The following NME7 variants were observed in gnomAD, a reference collection of about 807,000 sequenced individuals.
NME7 encodes the protein nucleoside diphosphate kinase 7.
A neutral mutation model predicts 49.1 loss-of-function variants in NME7; 41 were observed. That is an observed-to-expected ratio of 0.83 (90% CI 0.65 to 1.08). The LOEUF (loss-of-function observed/expected upper bound fraction) is 1.08, where lower values mean the gene tolerates loss of function less well. Among genes scored for constraint, NME7 ranks in the 50% least tolerant of loss-of-function variants. The pLI is 0.00. For missense variants in NME7, 423 were observed against 463.4 expected (o/e 0.91, Z 0.80); for synonymous variants, 139 against 150.6 (o/e 0.92, Z 0.56).
intron 10 of NME7, among the ~76,000 whole-genome samples, chr1:169,179,737 A>G (rs182542090): frequency 5.3e-5 from 8 of 152,316 alleles, no homozygotes; most frequent in African/African-American, 1.9e-4. Flanking sequence ...GTTCTCATTT[A>G]TAAGTGAGAG....
intron 3 of NME7, among the ~76,000 whole-genome samples, chr1:169,318,916 A>C (rs1347422890): frequency 6.6e-6 from 1 of 152,162 alleles, no homozygotes; most frequent in Non-Finnish European, 1.5e-5. Flanking sequence ...GTGCCATAAC[A>C]ACCAGGGGAA....
At chr1:169,155,194 T>C (rs1010633993) in intron 11 of NME7, among the ~76,000 whole-genome samples, 1 of 140,158 alleles carries the variant, frequency 7.1e-6, no homozygotes, top group Non-Finnish European at 1.6e-5. Flanking sequence ...GTTTTCCATA[T>C]CAAGTTTGAA....
intron 10 of NME7, among the ~76,000 whole-genome samples, chr1:169,179,613 T>C (rs1192657708): frequency 6.6e-6 from 1 of 152,186 alleles, no homozygotes; most frequent in Admixed American, 6.5e-5. Context: ...CACCATGGAA[T>C]ACTATGCAGC....
chr1:169,174,890 T>C (rs1189098119), intron 10 of NME7, among the ~76,000 whole-genome samples: 1 of 152,202 alleles, frequency 6.6e-6, no homozygotes, highest in African/African-American at 2.4e-5. Flanking sequence ...CTGCAGACTT[T>C]ATAAAACACT....
At chr1:169,175,242 C>T (rs147134426) in intron 10 of NME7, among the ~76,000 whole-genome samples, 1 of 151,966 alleles carries the variant, frequency 6.6e-6, no homozygotes, top group African/African-American at 2.4e-5. Context: ...ATATCTTGTC[C>T]CACTGGAAGG....
intron 10 of NME7, among the ~76,000 whole-genome samples, chr1:169,227,708 C>T (rs189710679): frequency 4.6e-5 from 7 of 152,174 alleles, no homozygotes; most frequent in Admixed American, 4.6e-4. Flanking sequence ...CCATGATGAC[C>T]TTATCTAATC....
intron 1 of NME7, among the ~76,000 whole-genome samples, chr1:169,364,559 T>A (rs1270780336): frequency 6.6e-6 from 1 of 152,078 alleles, no homozygotes; most frequent in Admixed American, 6.5e-5. Flanking sequence ...CTCAACCCTC[T>A]TTGAGTAGGG....
Position 169,214,255 on chromosome 1 carries a change from C to T in NME7, c.990+16463G>A, listed in dbSNP as rs527670049. Among the ~76,000 whole-genome samples, 28 of 152,254 alleles carry T rather than the reference C, an allele frequency of 1.8e-4. 1 individual carries two copies. Among genetic ancestry groups the T allele is most frequent in the African/African-American group, 6.3e-4 (26 of 41,554 alleles). On this transcript the variant is annotated intron_variant, in intron 10 of 11. Coordinates refer to ENST00000367811, the MANE Select transcript of NME7 (RefSeq NM_013330.5). ...ATGAGTAGACATCCAAGAAAAAAGTCTCAATATTGATCTCCATTGTTAGCC... is the reference window on the plus strand; with the variant it reads ...ATGAGTAGACATCCAAGAAAAAAGTTTCAATATTGATCTCCATTGTTAGCC...
At chr1:169,180,009 C>A (rs1353612922) in intron 10 of NME7, among the ~76,000 whole-genome samples, 2 of 146,220 alleles carry the variant, frequency 1.4e-5, no homozygotes, top group Non-Finnish European at 3.0e-5. Flanking sequence ...AAGAAAGAAA[C>A]AATGGGTCTA....
At chr1:169,287,641 T>C (rs1650329364) in intron 6 of NME7, among the ~76,000 whole-genome samples, 1 of 152,164 alleles carries the variant, frequency 6.6e-6, no homozygotes, top group Non-Finnish European at 1.5e-5. Flanking sequence ...GCAATGAGAA[T>C]ATGTGTCATT....
chr1:169,173,276 T>A (rs189330695), intron 10 of NME7, among the ~76,000 whole-genome samples: 190 of 152,316 alleles, frequency 1.2e-3, no homozygotes, highest in African/African-American at 4.5e-3. Flanking sequence ...AAAGATAATC[T>A]AACCAAATAT....
intron 11 of NME7, among the ~76,000 whole-genome samples, chr1:169,151,659 C>T (rs1410217055): frequency 1.3e-5 from 2 of 152,184 alleles, no homozygotes; most frequent in African/African-American, 2.4e-5. Flanking sequence ...TGGGTGCCAC[C>T]TTCTTGAGGG....
intron 10 of NME7, among the ~76,000 whole-genome samples, chr1:169,177,067 C>A (rs1023455286): frequency 1.3e-5 from 2 of 152,082 alleles, no homozygotes; most frequent in African/African-American, 2.4e-5. Flanking sequence ...AATATCTCCC[C>A]GCAAAAGAAT....
intron 11 of NME7, among the ~76,000 whole-genome samples, chr1:169,142,274 C>T (rs1029893050): frequency 2.5e-4 from 38 of 152,324 alleles, no homozygotes; most frequent in African/African-American, 8.2e-4. Flanking sequence ...TCTTTCTATT[C>T]ATCACTTCTG....
At position 169,268,430 on chromosome 1, in the gene NME7, C is replaced by T. The variant is rs1190346401; in HGVS notation, c.754+18873G>A. ...TAAATACCATTTGACACAGCAATCC[C>T]ATTACTGGGTACATACCCAGAGGAA... On this transcript the variant is annotated intron_variant, in intron 7 of 11. Coordinates refer to ENST00000367811, the MANE Select transcript of NME7 (RefSeq NM_013330.5). Among the ~76,000 whole-genome samples, 2 of 133,964 alleles carry T rather than the reference C, an allele frequency of 1.5e-5. 1 individual carries two copies. Among genetic ancestry groups the T allele is most frequent in the Non-Finnish European group, 3.5e-5 (2 of 56,946 alleles). The allele number at this position is 133,964 out of a possible 152,430, so 87.9% of individuals were successfully genotyped here. A position where few individuals can be genotyped will look rare whatever the true frequency, so the allele number is the denominator to read the frequency against.
rs1649548033 is a variant in NME7 at position 169,273,088 on chromosome 1, T to C, written c.754+14215A>G. 1.5e-5 allele frequency among the ~76,000 whole-genome samples: 2 copies of C among 133,916 alleles called. 1 individual carries two copies. 87.9% of individuals were successfully genotyped at this position (133,916 alleles called of 152,430 possible). ...TTTAAAATTATTATACTTTAAGTTC[T>C]AAGTTACATGTGCAGAATGTGCAGT... is the stretch of plus-strand genomic sequence containing the variant. On this transcript the variant is annotated intron_variant, in intron 7 of 11. Transcript: ENST00000367811.
intron 1 of NME7, among the ~76,000 whole-genome samples, chr1:169,348,748 G>C (rs1653040473): frequency 6.6e-6 from 1 of 151,956 alleles, no homozygotes; most frequent in African/African-American, 2.4e-5. Flanking sequence ...TTAAACCATA[G>C]TAATTTTGCA....
chr1:169,302,126 A>G (rs1373930428), intron 5 of NME7: 1 of 128,022 alleles, frequency 7.8e-6, no homozygotes, highest in Non-Finnish European at 1.8e-5. Context: ...TCTGTAGAGA[A>G]AGGGAACACA....
intron 7 of NME7, among the ~76,000 whole-genome samples, chr1:169,279,294 G>A (rs1649895231): frequency 6.6e-6 from 1 of 152,226 alleles, no homozygotes. Flanking sequence ...CCCAGAGGTG[G>A]AGCCTACAGA....
Sources: allele counts gnomAD v4.1 joint callset (sites outside exome capture counted in the v4.1 genomes callset), GRCh38; gene constraint gnomAD v4.1.1; transcripts MANE v1.5; gene names NCBI Gene and HGNC (gene_info 2026-07-23, HGNC 2026-07-21).